Variants in PRELID2 observed in about 807,000 individuals in gnomAD.
PRELID2 encodes the protein PRELI domain containing 2, also known as PRELI domain-containing protein 2.
Under a neutral mutation model 28.4 loss-of-function variants are expected in PRELID2, and 25 were observed. That is an observed-to-expected ratio of 0.88 (90% CI 0.64 to 1.23). PRELID2 has a LOEUF of 1.23. Ranked by LOEUF, PRELID2 falls within the 50% of genes most tolerant of loss-of-function variation. The probability of loss-of-function intolerance (pLI) is 0.00; values close to 1 mark genes in which losing one functional copy is unlikely to be tolerated. For synonymous variants in PRELID2, 76 were observed against 71.6 expected (o/e 1.06, Z -0.31); for missense variants, 201 against 214.4 (o/e 0.94, Z 0.39).
At chr5:145,690,333 T>C (rs76480455) in intron 1 of PRELID2, among the ~76,000 whole-genome samples, 4,241 of 152,154 alleles carry the variant, frequency 0.028, 186 homozygotes, top group African/African-American at 0.093. Flanking sequence ...TAGGGTGAAG[T>C]TCCAATTCAG....
chr5:145,515,900 T>C (rs574300149), intron 1 of PRELID2, among the ~76,000 whole-genome samples: 5 of 152,298 alleles, frequency 3.3e-5, no homozygotes, highest in African/African-American at 1.2e-4. Flanking sequence ...CACATGATTA[T>C]CTCAATAGAT....
At chr5:145,459,099 T>A in the PRELID2 span, among the ~76,000 whole-genome samples, 1 of 152,150 alleles carries the variant, frequency 6.6e-6, no homozygotes, top group Non-Finnish European at 1.5e-5. Context: ...CCGACTGATC[T>A]TCATCTTGAG....
chr5:145,369,154 T>TA, the PRELID2 span, among the ~76,000 whole-genome samples: 6 of 151,992 alleles, frequency 3.9e-5, no homozygotes, highest in Non-Finnish European at 1.5e-5. Context: ...TTTTGTTCTT[T>TA]AAAAAAATAT....
intron 1 of PRELID2, among the ~76,000 whole-genome samples, chr5:145,675,028 A>T (rs1029313279): frequency 3.3e-5 from 5 of 152,084 alleles, no homozygotes; most frequent in Non-Finnish European, 7.4e-5. Flanking sequence ...CTTTCCTATG[A>T]CTCAAAATCT....
At chr5:145,435,917 CCTAA>C in the PRELID2 span, among the ~76,000 whole-genome samples, 1 of 151,988 alleles carries the variant, frequency 6.6e-6, no homozygotes, top group Non-Finnish European at 1.5e-5. Flanking sequence ...CTGAAAGATA[CCTAA>C]CTTACAAGAT....
At chr5:145,354,045 A>T in the PRELID2 span, among the ~76,000 whole-genome samples, 15 of 152,194 alleles carry the variant, frequency 9.9e-5, no homozygotes, top group African/African-American at 3.4e-4. Flanking sequence ...CAGCCAAGTA[A>T]TCTGGCTTCA....
chr5:145,439,350 G>C, the PRELID2 span, among the ~76,000 whole-genome samples: 1 of 151,988 alleles, frequency 6.6e-6, no homozygotes. Flanking sequence ...GAGCTAAGTG[G>C]CCTTCACATG....
chr5:145,810,986 A>G (rs1032574384), intron 4 of PRELID2, among the ~76,000 whole-genome samples: 4 of 147,960 alleles, frequency 2.7e-5, no homozygotes, highest in African/African-American at 9.8e-5. Flanking sequence ...GGTAATTTAT[A>G]AAGGAAAGCG....
At chr5:145,738,037 C>T (rs187880866) in intron 1 of PRELID2, among the ~76,000 whole-genome samples, 1 of 152,174 alleles carries the variant, frequency 6.6e-6, no homozygotes, top group African/African-American at 2.4e-5. Context: ...TAATAAGACA[C>T]TTCTACCCTT....
At chr5:145,229,994 C>T in the PRELID2 span, 1 of 735,078 alleles carries the variant, frequency 1.4e-6, no homozygotes, top group Admixed American at 1.7e-5. Flanking sequence ...GGTTCATCAA[C>T]ATCAACTCCC....
chr5:145,281,592 G>A, the PRELID2 span, among the ~76,000 whole-genome samples: 11 of 152,272 alleles, frequency 7.2e-5, no homozygotes, highest in South Asian at 4.1e-4. Context: ...TGACAACACC[G>A]TCAAAGAAAA....
chr5:145,577,517 T>C (rs1753071033), intron 1 of PRELID2, among the ~76,000 whole-genome samples: 2 of 151,646 alleles, frequency 1.3e-5, no homozygotes, highest in Admixed American at 1.3e-4. Context: ...AAGAAAAAAA[T>C]CTGTGAACTT....
chr5:145,723,252 A>G (rs930288341), intron 1 of PRELID2, among the ~76,000 whole-genome samples: 4 of 152,212 alleles, frequency 2.6e-5, no homozygotes, highest in Non-Finnish European at 4.4e-5. Flanking sequence ...ATTCATGAAT[A>G]TAAAGTAAGC....
chr5:145,485,242 G>C (rs1001497372), intron 1 of PRELID2, among the ~76,000 whole-genome samples: 3 of 152,200 alleles, frequency 2.0e-5, no homozygotes, highest in African/African-American at 7.2e-5. Flanking sequence ...CAAAATAAGT[G>C]TCAGCCACAG....
At chr5:145,328,479 G>A in the PRELID2 span, among the ~76,000 whole-genome samples, 1 of 152,080 alleles carries the variant, frequency 6.6e-6, no homozygotes, top group Non-Finnish European at 1.5e-5. Flanking sequence ...TTGCCAATCT[G>A]ACTGGCATGA....
chr5:145,624,394 T>G (rs1400882656), intron 1 of PRELID2, among the ~76,000 whole-genome samples: 1 of 152,210 alleles, frequency 6.6e-6, no homozygotes, highest in East Asian at 1.9e-4. Context: ...TTGGTCTTTC[T>G]GGCAAGCAGC....
At chr5:145,281,188 G>A in the PRELID2 span, among the ~76,000 whole-genome samples, 10 of 152,078 alleles carry the variant, frequency 6.6e-5, no homozygotes, top group Admixed American at 6.6e-4. Flanking sequence ...TGATTAGTGG[G>A]CTTCTGCTAG....
At chr5:145,325,391 A>C in the PRELID2 span, among the ~76,000 whole-genome samples, 1 of 152,206 alleles carries the variant, frequency 6.6e-6, no homozygotes, top group Non-Finnish European at 1.5e-5. Context: ...GCATGAAAGA[A>C]TCCTGAGCCA....
At chr5:145,360,994 C>T in the PRELID2 span, among the ~76,000 whole-genome samples, 1 of 152,150 alleles carries the variant, frequency 6.6e-6, no homozygotes, top group South Asian at 2.1e-4. Context: ...AGTCCTCTCA[C>T]TTACCCACCT....
Sources: allele counts gnomAD v4.1 joint callset (sites outside exome capture counted in the v4.1 genomes callset), GRCh38; gene constraint gnomAD v4.1.1; transcripts MANE v1.5; gene names NCBI Gene and HGNC (gene_info 2026-07-23, HGNC 2026-07-21).